Variants in LUZP1 observed in about 807,000 individuals in gnomAD.
LUZP1 encodes filamin mechanobinding actin cross-linking protein.
A neutral mutation model predicts 71.3 loss-of-function variants in LUZP1; 25 were observed. That is an observed-to-expected ratio of 0.35 (90% confidence interval 0.26 to 0.49). The LOEUF is 0.49. Ranked by LOEUF, LUZP1 falls within the 20% of genes least tolerant of loss-of-function variation. LUZP1 has a pLI of 0.99. For synonymous variants in LUZP1, 481 were observed against 506.4 expected (o/e 0.95, Z 0.67); for missense variants, 1,142 against 1,300.8 (o/e 0.88, Z 1.88).
chr1:23,161,006 G>A (rs1644460327), intron 2 of LUZP1, among the ~76,000 whole-genome samples: 1 of 152,206 alleles, frequency 6.6e-6, no homozygotes, highest in Non-Finnish European at 1.5e-5. Context: ...AGGGAGAACT[G>A]AGCTCAGTCT....
At chr1:23,162,747 G>A (rs912940129) in intron 2 of LUZP1, 1 of 152,184 alleles carries the variant, frequency 6.6e-6, no homozygotes, top group Admixed American at 6.5e-5. Flanking sequence ...GAATGGTACA[G>A]GGAAGATTAG....
chr1:23,097,341 G>A lies in LUZP1; in HGVS notation c.-119-2961C>T, dbSNP rs187084603. 4.1e-3 allele frequency among the ~76,000 whole-genome samples: 617 copies of A among 152,288 alleles called. 3 individuals carry two copies. The highest frequency in any genetic ancestry group is 6.5e-3 in the Admixed American group (99 of 15,306). ...TTTTAAGTAGGTGGCAAGTAGAATG[G>A]ACTACAGGGGATAAGGTTGGGAGCA... On this transcript the variant is annotated intron_variant, in intron 3 of 4. Coordinates refer to ENST00000302291, the Ensembl canonical transcript of LUZP1.
At chr1:23,105,397 A>G (rs1363776411) in intron 3 of LUZP1, among the ~76,000 whole-genome samples, 1 of 152,160 alleles carries the variant, frequency 6.6e-6, no homozygotes, top group African/African-American at 2.4e-5. Flanking sequence ...TTTGCAGGCA[A>G]CGTGATACAA....
At chr1:23,121,107 T>C (rs1644126222) in intron 2 of LUZP1, among the ~76,000 whole-genome samples, 1 of 152,240 alleles carries the variant, frequency 6.6e-6, no homozygotes. Context: ...TGCTGGCTTA[T>C]ATCTTTATAA....
intron 1 of LUZP1, among the ~76,000 whole-genome samples, chr1:23,176,111 G>A (rs1452429259): frequency 6.8e-6 from 1 of 146,176 alleles, no homozygotes; most frequent in Admixed American, 7.0e-5. Flanking sequence ...GCCCAGGCTG[G>A]AGTGCAGTGG....
intron 2 of LUZP1, among the ~76,000 whole-genome samples, chr1:23,134,893 T>C (rs938319546): frequency 1.3e-5 from 2 of 152,182 alleles, no homozygotes; most frequent in Admixed American, 6.5e-5. Flanking sequence ...AGGTAAATTG[T>C]GTGCCACAGC....
intron 2 of LUZP1, among the ~76,000 whole-genome samples, chr1:23,138,016 G>C (rs1644268446): frequency 6.6e-6 from 1 of 152,198 alleles, no homozygotes; most frequent in African/African-American, 2.4e-5. Flanking sequence ...TGTTGCCCAG[G>C]TTGGAGTGCA....
intron 4 of LUZP1, 67 bp from the exon 4 acceptor site, chr1:23,089,120 T>G (rs868643306): frequency 6.6e-7 from 1 of 1,504,030 alleles, no homozygotes. Context: ...CACCCTCACC[T>G]GCTACCATAG....
chr1:23,090,918 G>A (rs1384020284), intron 4 of LUZP1: 1 of 718,030 alleles, frequency 1.4e-6, no homozygotes, highest in African/African-American at 1.7e-5. Context: ...CAAGGGAAGA[G>A]AAGACAGATT....
intron 2 of LUZP1, among the ~76,000 whole-genome samples, chr1:23,159,219 T>C (rs1044781418): frequency 1.3e-5 from 2 of 151,782 alleles, no homozygotes; most frequent in Non-Finnish European, 2.9e-5. Context: ...CGGGCACCTG[T>C]AGTCCCAGCT....
intron 1 of LUZP1, among the ~76,000 whole-genome samples, chr1:23,169,614 G>A (rs1299240589): frequency 6.6e-6 from 1 of 152,120 alleles, no homozygotes; most frequent in Non-Finnish European, 1.5e-5. Flanking sequence ...AATGGGAAGG[G>A]GGAATAACCA....
chr1:23,110,018 A>G (rs1201519940), intron 2 of LUZP1, among the ~76,000 whole-genome samples: 2 of 152,236 alleles, frequency 1.3e-5, no homozygotes, highest in Non-Finnish European at 2.9e-5. Flanking sequence ...ATATAAGACA[A>G]TAAGAAGATA....
At chr1:23,166,101 C>T (rs1160447374) in intron 2 of LUZP1, among the ~76,000 whole-genome samples, 1 of 147,850 alleles carries the variant, frequency 6.8e-6, no homozygotes, top group African/African-American at 2.5e-5. Context: ...TGCATATTTA[C>T]AACACTGCTG....
chr1:23,120,302 C>T (rs1343108898), intron 2 of LUZP1, among the ~76,000 whole-genome samples: 1 of 152,004 alleles, frequency 6.6e-6, no homozygotes, highest in Admixed American at 6.6e-5. Context: ...TAGAAGATAT[C>T]CTGACAAGGG....
chr1:23,143,288 T>A (rs985823171), intron 2 of LUZP1, among the ~76,000 whole-genome samples: 14 of 152,230 alleles, frequency 9.2e-5, no homozygotes, highest in African/African-American at 3.4e-4. Flanking sequence ...ATTACAGGCA[T>A]GAGCCACCGT....
Position 23,093,143 on chromosome 1 carries a change from C to T in LUZP1, c.1119G>A (p.Arg373=). Residue 373 remains arginine, a synonymous_variant, in exon 4 of 5, where the codon AGG becomes AGA. Transcript: ENST00000302291. The surrounding 1 kb of genome is among the most constrained non-coding windows in gnomAD (Gnocchi z 4.2). ...CACTTCCGTGGCCTCTAAACTTAGT[C>T]CTCTCATGTCTGCCTTTGCTGGACA... is the stretch of plus-strand genomic sequence containing the variant. 6.2e-7 allele frequency: 1 copy of T among 1,614,138 alleles called. No individual in the cohort carries two copies. Among genetic ancestry groups the T allele is most frequent in the Non-Finnish European group, 8.5e-7 (1 of 1,180,010 alleles).
chr1:23,109,466 C>T (rs1644010867), intron 2 of LUZP1: 1 of 152,210 alleles, frequency 6.6e-6, no homozygotes, highest in African/African-American at 2.4e-5. Context: ...AGCTAGGAAG[C>T]ATCTCAGAAA....
At chr1:23,103,402 C>A (rs551648324) in intron 3 of LUZP1, among the ~76,000 whole-genome samples, 1 of 152,130 alleles carries the variant, frequency 6.6e-6, no homozygotes, top group Admixed American at 6.5e-5. Context: ...ATTTTGGATA[C>A]GCAAACTCAA....
chr1:23,164,186 T>TGAGACC (rs1553142782), intron 2 of LUZP1: 2 of 150,418 alleles, frequency 1.3e-5, no homozygotes, highest in Admixed American at 1.3e-4. Context: ...AATCCATGGG[T>TGAGACC]GAGAGAAGGG....
Sources: gnomAD v4.1 joint callset for allele counts (sites outside exome capture counted in the v4.1 genomes callset) on GRCh38, gnomAD v4.1.1 for gene constraint, Gnocchi (gnomAD v3.1) non-coding constraint, MANE v1.5 for transcripts, NCBI Gene and HGNC (gene_info 2026-07-23, HGNC 2026-07-21) for gene names.